BMP6: variants seen among roughly 807,000 people sequenced by gnomAD.
BMP6 encodes bone morphogenetic protein 6.
BMP6 carries 17 observed loss-of-function variants against 54.1 expected under a neutral mutation model. The ratio of observed to expected loss-of-function variants is 0.31; its 90% CI spans 0.22 to 0.47. BMP6 has a LOEUF of 0.47. BMP6 is among the 20% of genes least tolerant of loss of function. The pLI is 1.00. For missense variants in BMP6, 720 were observed against 690.4 expected, an observed-to-expected ratio of 1.04 and a Z score of -0.48; for synonymous variants, 328 against 291.2, an observed-to-expected ratio of 1.13 and a Z score of -1.28.
At chr6:7,742,508 T>C (rs1757283347) in intron 1 of BMP6, among the ~76,000 whole-genome samples, 1 of 152,214 alleles carries the variant, frequency 6.6e-6, no homozygotes, top group South Asian at 2.1e-4. Flanking sequence ...TAATGTCTAT[T>C]GAAGCAAAGT....
chr6:7,788,905 T>A (rs1280497970), intron 1 of BMP6, among the ~76,000 whole-genome samples: 1 of 151,760 alleles, frequency 6.6e-6, no homozygotes, highest in African/African-American at 2.4e-5. Flanking sequence ...TTCTGTGCTT[T>A]GCTCTCCAAG....
intron 1 of BMP6, among the ~76,000 whole-genome samples, chr6:7,729,604 C>T (rs936793293): frequency 4.5e-4 from 68 of 152,140 alleles, no homozygotes; most frequent in African/African-American, 1.6e-3. Context: ...GAGGGTGGGG[C>T]ACAGGCATCA....
intron 4 of BMP6, among the ~76,000 whole-genome samples, chr6:7,877,303 A>G (rs1210490701): frequency 2.4e-4 from 37 of 152,144 alleles, no homozygotes; most frequent in Non-Finnish European, 1.2e-4. Context: ...CACTGGCCTG[A>G]GTCACTGTCT....
At position 7,850,050 on chromosome 6, in the gene BMP6, G is replaced by A. The variant is rs551881454; in HGVS notation, c.857+4718G>A. On this transcript the variant is annotated intron_variant, in intron 2 of 6. Transcript: ENST00000283147. ...TTAGAGTTTGGTTTATATATTCATC[G>A]TAACTTCAGAATCCTTAGGCTTTGA... Among the ~76,000 whole-genome samples the A allele has an allele frequency of 1.1e-4, 16 of 152,300 alleles. 1 individual carries two copies. Among genetic ancestry groups the A allele is most frequent in the African/African-American group, 3.4e-4 (14 of 41,556 alleles).
In BMP6 at chr6:7,858,536, C is replaced by T. The variant is rs560378388; in HGVS notation, c.858-2915C>T. On this transcript the variant is annotated intron_variant, in intron 2 of 6. Coordinates refer to ENST00000283147, the MANE Select transcript of BMP6 (RefSeq NM_001718.6). ...GTACTTTCAGCCTCTGCCCTGTCTG[C>T]TTCATGACTCTACTTTTTAGATATG... 1.4e-3 allele frequency among the ~76,000 whole-genome samples: 209 copies of T among 152,146 alleles called. 1 individual carries two copies. Among genetic ancestry groups the T allele is most frequent in the African/African-American group, 4.8e-3 (201 of 41,514 alleles).
chr6:7,826,410 G>T (rs1758698958), intron 1 of BMP6, among the ~76,000 whole-genome samples: 1 of 152,230 alleles, frequency 6.6e-6, no homozygotes, highest in Admixed American at 6.5e-5. Flanking sequence ...CACACCTGGA[G>T]GGGCCTGGGG....
At chr6:7,778,637 CTG>C (rs1757896550) in intron 1 of BMP6, among the ~76,000 whole-genome samples, 2 of 152,236 alleles carry the variant, frequency 1.3e-5, no homozygotes, top group Non-Finnish European at 2.9e-5. Flanking sequence ...GAAACTGGAA[CTG>C]TGTCATAATT....
chr6:7,727,141 C>A lies in BMP6; in HGVS notation c.186C>A (p.Ser62=). ...AGCAGCCGCCGCCGTCGCCGCAGTC[C>A]TCCTCGGGCTTCCTGTACCGGCGGC... ...RTEQPPPSPQ[S]SSGFLYRRLK... The change falls in exon 1 of 7, where the codon TCC becomes TCA. Residue 62 remains serine (S), a synonymous_variant. Transcript: ENST00000283147. The A allele has an allele frequency of 6.4e-7, 1 of 1,565,470 alleles. No individual in the cohort carries two copies.
chr6:7,732,516 T>C (rs1761880700), intron 1 of BMP6, among the ~76,000 whole-genome samples: 1 of 152,206 alleles, frequency 6.6e-6, no homozygotes, highest in Non-Finnish European at 1.5e-5. Context: ...GAGGAGGGCT[T>C]CCCTGGGATA....
chr6:7,730,705 G>A (rs907740094), intron 1 of BMP6, among the ~76,000 whole-genome samples: 4 of 152,162 alleles, frequency 2.6e-5, no homozygotes, highest in African/African-American at 4.8e-5. Context: ...AAGTTATTGC[G>A]TACCAATGTT....
At chr6:7,728,599 A>T (rs1446615139) in intron 1 of BMP6, among the ~76,000 whole-genome samples, 1 of 152,126 alleles carries the variant, frequency 6.6e-6, no homozygotes, top group Non-Finnish European at 1.5e-5. Context: ...TCCGGTTTGC[A>T]CTGCTTTTCA....
chr6:7,793,175 C>T (rs751104813), intron 1 of BMP6, among the ~76,000 whole-genome samples: 4 of 151,940 alleles, frequency 2.6e-5, no homozygotes, highest in Non-Finnish European at 5.9e-5. Context: ...CACATCCAGA[C>T]GATGGGCTAT....
Position 7,862,360 on chromosome 6 carries a change from C to T in BMP6, c.1066C>T (p.Gln356Ter). 3 of 1,614,228 alleles carry T rather than the reference C, an allele frequency of 1.9e-6. No homozygotes were observed. The highest frequency in any genetic ancestry group is 1.7e-6 in the Non-Finnish European group (2 of 1,180,034). ...GGGCAGAGACGGCCCTTACGACAAG[C>T]AGCCCTTCATGGTGGCTTTCTTCAA... is the stretch of plus-strand genomic sequence containing the variant. Reference protein sequence around the residue: ...LVGRDGPYDKQPFMVAFFKVS... With the variant: ...LVGRDGPYDK The change falls in exon 4 of 7, where the codon CAG becomes TAG. Residue 356 changes from glutamine (Q) to a stop codon, truncating the protein, a stop_gained. Coordinates refer to ENST00000283147, the MANE Select transcript of BMP6 (RefSeq NM_001718.6). LOFTEE classifies it high-confidence loss of function.
chr6:7,809,285 C>T (rs1388633187), intron 1 of BMP6, among the ~76,000 whole-genome samples: 2 of 152,172 alleles, frequency 1.3e-5, no homozygotes, highest in Admixed American at 1.3e-4. Flanking sequence ...GTTTCCTGAG[C>T]CTTCCTTGGA....
rs111496504 is a variant in BMP6, at chr6:7,854,384, TA to T, written c.858-7055del. On this transcript the variant is annotated intron_variant, in intron 2 of 6. Transcript: ENST00000283147. Reference sequence around the variant, plus strand: ...AAGATTACTTTGTAAAACATCTTTTTAAAAAAAAAAAATCAATAGCACTTTT... The same window carrying T: ...AAGATTACTTTGTAAAACATCTTTTTAAAAAAAAAAATCAATAGCACTTTT... 4.9e-3 allele frequency among the ~76,000 whole-genome samples: 724 copies of T among 148,318 alleles called. 5 individuals carry two copies. Among genetic ancestry groups the T allele is most frequent in the African/African-American group, 0.014 (578 of 40,596 alleles).
intron 1 of BMP6, among the ~76,000 whole-genome samples, chr6:7,803,742 A>AT (rs925984201): frequency 5.3e-5 from 8 of 149,606 alleles, no homozygotes; most frequent in African/African-American, 7.4e-5. Flanking sequence ...AAGATGCACC[A>AT]TTTTTTTTTC....
intron 1 of BMP6, among the ~76,000 whole-genome samples, chr6:7,740,132 G>A (rs978015058): frequency 7.9e-5 from 12 of 152,162 alleles, no homozygotes; most frequent in African/African-American, 2.2e-4. Flanking sequence ...AGGTCAGGAT[G>A]ATGGGCAGGT....
chr6:7,869,950 G>T (rs761647830), intron 4 of BMP6, among the ~76,000 whole-genome samples: 2 of 152,106 alleles, frequency 1.3e-5, no homozygotes, highest in Non-Finnish European at 2.9e-5. Flanking sequence ...ACCCCTGATG[G>T]CCCCCAGGAA....
intron 1 of BMP6, among the ~76,000 whole-genome samples, chr6:7,815,237 T>C (rs1490400798): frequency 1.3e-5 from 2 of 152,152 alleles, no homozygotes; most frequent in African/African-American, 2.4e-5. Flanking sequence ...CTCTACCGAG[T>C]GCTGTGGCAC....
Sources: allele counts gnomAD v4.1 joint callset (sites outside exome capture counted in the v4.1 genomes callset), GRCh38; gene constraint gnomAD v4.1.1; transcripts MANE v1.5; gene names NCBI Gene and HGNC (gene_info 2026-07-23, HGNC 2026-07-21).